WWP1: variants seen among roughly 807,000 people sequenced by gnomAD.
The protein encoded by WWP1 is WW domain containing E3 ubiquitin protein ligase 1.
Under a neutral mutation model 130.6 loss-of-function variants are expected in WWP1, and 49 were observed. The observed-to-expected ratio is 0.38, with a 90% CI of 0.30 to 0.48. WWP1 has a LOEUF of 0.48. Among genes scored for constraint, WWP1 ranks in the 20% least tolerant of loss-of-function variants. The pLI is 0.99. For missense variants in WWP1, 809 were observed against 1,100.6 expected (o/e 0.74, Z 3.75); for synonymous variants, 332 against 367.8 (o/e 0.90, Z 1.11).
chr8:86,427,573 G>C (rs898901521), intron 10 of WWP1, 70 bp from the exon 11 acceptor site: 24 of 1,433,454 alleles, frequency 1.7e-5, no homozygotes, highest in Non-Finnish European at 2.2e-5. Context: ...TTTAAATTGA[G>C]TGAAGTAATA....
In WWP1 at chr8:86,411,890, T is replaced by A. The variant is rs1167678447; in HGVS notation, c.1061+16T>A. 6.3e-7 allele frequency: 1 copy of A among 1,575,502 alleles called. No homozygotes were observed. The highest frequency in any genetic ancestry group is 8.6e-7 in the Non-Finnish European group (1 of 1,159,548). On this transcript the variant is annotated intron_variant, in intron 9 of 24. Transcript: ENST00000517970. ...TGCCATCAGGGTATGTTAAGCTTTTTAATGTCTGACTTGCATTTAAGTAGC... is the reference window on the plus strand; with the variant it reads ...TGCCATCAGGGTATGTTAAGCTTTTAAATGTCTGACTTGCATTTAAGTAGC...
At chr8:86,429,988 T>G (rs1400106253) in intron 11 of WWP1, among the ~76,000 whole-genome samples, 1 of 152,080 alleles carries the variant, frequency 6.6e-6, no homozygotes, top group Admixed American at 6.6e-5. Context: ...CGCTTGAGCC[T>G]AGGAGTTCGA....
At chr8:86,376,478 A>G (rs2130332447) in intron 3 of WWP1, among the ~76,000 whole-genome samples, 1 of 152,286 alleles carries the variant, frequency 6.6e-6, no homozygotes, top group Middle Eastern at 3.4e-3. Flanking sequence ...CTTAGGCATG[A>G]GAATCACTTG....
Position 86,346,379 on chromosome 8 carries a change from C to T in WWP1, c.-115+3449C>T, listed in dbSNP as rs561293280. On this transcript the variant is annotated intron_variant, in intron 1 of 24. Coordinates refer to ENST00000517970, the MANE Select transcript of WWP1 (RefSeq NM_007013.4). ...CGGAGCTTGTAGTGAGCCGAGATTG[C>T]GCCACTACACTCCAGCCTGGGCAAC... Among the ~76,000 whole-genome samples the T allele has an allele frequency of 2.2e-4, 34 of 152,124 alleles. No individual in the cohort carries two copies. In the South Asian group the frequency reaches 6.4e-3, roughly 29 times the overall value.
intron 8 of WWP1, among the ~76,000 whole-genome samples, chr8:86,406,466 T>G (rs1043572044): frequency 1.3e-5 from 2 of 152,208 alleles, no homozygotes; most frequent in Non-Finnish European, 2.9e-5. Context: ...TTATATTTTT[T>G]TCTTAGCTCT....
At chr8:86,395,418 T>G (rs1233523993) in intron 5 of WWP1, among the ~76,000 whole-genome samples, 1 of 151,042 alleles carries the variant, frequency 6.6e-6, no homozygotes, top group Non-Finnish European at 1.5e-5. Flanking sequence ...AGATATATTT[T>G]AAGAGAGAAT....
chr8:86,379,410 C>A (rs1437428462), intron 3 of WWP1, among the ~76,000 whole-genome samples: 1 of 152,122 alleles, frequency 6.6e-6, no homozygotes, highest in African/African-American at 2.4e-5. Context: ...GATTATTATT[C>A]TCTCACAATA....
At chr8:86,435,096 G>A (rs1563530936) in intron 14 of WWP1, among the ~76,000 whole-genome samples, 1 of 152,186 alleles carries the variant, frequency 6.6e-6, no homozygotes, top group Non-Finnish European at 1.5e-5. Flanking sequence ...CTTAGGATGT[G>A]GTAGAATTTC....
chr8:86,467,289 T>A lies in WWP1; in HGVS notation c.*396T>A, dbSNP rs1812227784. On this transcript the variant is annotated 3_prime_UTR_variant, in exon 25 of 25. Transcript: ENST00000517970. ...ATTATCTAGGGGAAAAAGTGCAAAT[T>A]GCTCCATGTTCTTCTCTCCCTTATG... 1 of 158,912 alleles carries A rather than the reference T, an allele frequency of 6.3e-6. No individual in the cohort carries two copies. Among genetic ancestry groups the A allele is most frequent in the South Asian group, 1.9e-4 (1 of 5,300 alleles). 9.8% of individuals were successfully genotyped at this position (158,912 alleles called of 1,614,324 possible).
intron 17 of WWP1, among the ~76,000 whole-genome samples, chr8:86,442,062 A>G (rs911968020): frequency 3.9e-5 from 6 of 152,188 alleles, no homozygotes; most frequent in Non-Finnish European, 5.9e-5. Context: ...AAAGTGTTAA[A>G]TAGCAGCAGT....
At chr8:86,381,775 T>G (rs922135143) in intron 5 of WWP1, 146 bp downstream of exon 5, 1 of 845,052 alleles carries the variant, frequency 1.2e-6, no homozygotes, top group Non-Finnish European at 1.7e-6. Context: ...TGTGGCATTT[T>G]ATGAAATAGG....
chr8:86,380,699 C>T, intron 3 of WWP1, 27 bp from the exon 4 acceptor site: 1 of 1,591,376 alleles, frequency 6.3e-7, no homozygotes, highest in South Asian at 1.2e-5. Flanking sequence ...GCAACACATA[C>T]TCACTAGTGA....
intron 1 of WWP1, among the ~76,000 whole-genome samples, chr8:86,362,166 A>ATATATATATATG (rs1823691032): frequency 6.0e-5 from 2 of 33,266 alleles, no homozygotes; most frequent in African/African-American, 1.3e-4. Context: ...TACAAGGCAT[A>ATATATATATATG]TATATATATA....
chr8:86,468,120 A>G lies in WWP1; in HGVS notation c.*1227A>G. On this transcript the variant is annotated 3_prime_UTR_variant, in exon 25 of 25. Coordinates refer to ENST00000517970, the MANE Select transcript of WWP1 (RefSeq NM_007013.4). ...TAGCAAACTGGGCTTCCTAATACAA[A>G]ATTTTAAATTTCCATTTGTATCATG... is the stretch of plus-strand genomic sequence containing the variant. 1 of 179,396 alleles carries G rather than the reference A, an allele frequency of 5.6e-6. No homozygotes were observed. Among genetic ancestry groups the G allele is most frequent in the Non-Finnish European group, 1.2e-5 (1 of 84,844 alleles). 11.1% of individuals were successfully genotyped at this position (179,396 alleles called of 1,614,324 possible). A position where few individuals can be genotyped will look rare whatever the true frequency, so the allele number is the denominator to read the frequency against.
In WWP1 at chr8:86,460,790, CTTTTTTTTTTTTTTTTTTTTTTTT is replaced by C. The variant is rs59506795; in HGVS notation, c.2500-420_2500-397del. 3.2e-5 allele frequency among the ~76,000 whole-genome samples: 2 copies of C among 62,404 alleles called. 1 individual carries two copies. Among genetic ancestry groups the C allele is most frequent in the Non-Finnish European group, 6.4e-5 (2 of 31,008 alleles). The allele number at this position is 62,404 out of a possible 152,430, so 40.9% of individuals were successfully genotyped here. A position where few individuals can be genotyped will look rare whatever the true frequency, so the allele number is the denominator to read the frequency against. On this transcript the variant is annotated intron_variant, in intron 22 of 24. Coordinates refer to ENST00000517970, the MANE Select transcript of WWP1 (RefSeq NM_007013.4). ...ACCCTACAACCTCTTTTTAGCACAT[CTTTTTTTTTTTTTTTTTTTTTTTT>C]TTTTTTTTTTTTTGAGACAGAGTCT...
At position 86,402,107 on chromosome 8, in the gene WWP1, G is replaced by A. The variant is rs769479231; in HGVS notation, c.628G>A (p.Gly210Arg). The A allele has an allele frequency of 1.2e-6, 2 of 1,613,758 alleles. No individual in the cohort carries two copies. The highest frequency in any genetic ancestry group is 1.7e-4 in the Middle Eastern group (1 of 6,060). The change falls in exon 8 of 25, where the codon GGA (glycine) becomes AGA (arginine). Residue 210 changes from glycine to arginine, a missense_variant. By Grantham distance (125) the Gly-to-Arg change is moderately radical (BLOSUM62 -2). Transcript: ENST00000517970. The stretch of plus-strand genomic sequence containing the variant: ...CTCATGCTGCTCGTATGTAGTTAAT[G>A]GAGACAACACACCTTCATCTCCGTC... ...QNSCCSYVVN[G>R]DNTPSSPSQV...
chr8:86,439,342 C>A (rs867084970), intron 17 of WWP1, among the ~76,000 whole-genome samples: 68 of 127,042 alleles, frequency 5.4e-4, no homozygotes, highest in Admixed American at 1.3e-3. Context: ...GACGCTGTGT[C>A]AAAAAAAAAA....
intron 17 of WWP1, among the ~76,000 whole-genome samples, chr8:86,439,452 C>T (rs1275916132): frequency 6.6e-6 from 1 of 152,118 alleles, no homozygotes; most frequent in Admixed American, 6.5e-5. Context: ...ACCTTGGTCT[C>T]CCAAAGTACT....
chr8:86,440,477 G>A, intron 17 of WWP1: 1 of 230,052 alleles, frequency 4.3e-6, no homozygotes, highest in South Asian at 5.3e-5. Flanking sequence ...CTCAGACATT[G>A]CTTTACTGTT....
Sources: gnomAD v4.1 joint callset for allele counts (sites outside exome capture counted in the v4.1 genomes callset) on GRCh38, gnomAD v4.1.1 for gene constraint, MANE v1.5 for transcripts, NCBI Gene and HGNC (gene_info 2026-07-23, HGNC 2026-07-21) for gene names.